Variants in KIAA0825 observed in about 807,000 individuals in gnomAD.
The protein encoded by KIAA0825 is KIAA0825, also known as uncharacterized protein KIAA0825.
In KIAA0825, 119 loss-of-function variants were observed where a neutral mutation model predicts 147.6. The ratio of observed to expected loss-of-function variants is 0.81; its 90% CI spans 0.69 to 0.94. KIAA0825 has a LOEUF of 0.94. KIAA0825 is among the 40% of genes least tolerant of loss of function. The pLI is 0.00. For synonymous variants in KIAA0825, 470 were observed against 518.1 expected, an observed-to-expected ratio of 0.91 and a Z score of 1.26; for missense variants, 1,381 against 1,472.7, an observed-to-expected ratio of 0.94 and a Z score of 1.02.
intron 20 of KIAA0825, among the ~76,000 whole-genome samples, chr5:94,158,663 C>T (rs1767266593): frequency 3.3e-5 from 5 of 152,240 alleles, no homozygotes; most frequent in South Asian, 2.1e-4. Flanking sequence ...TTTAGTCTTT[C>T]ACTGTTTAGA....
At chr5:94,567,817 T>C (rs77577503) in intron 2 of KIAA0825, 1 of 154,662 alleles carries the variant, frequency 6.5e-6, no homozygotes, top group Non-Finnish European at 1.4e-5. Context: ...AATTAGGTCT[T>C]CATCCCTGAC....
In KIAA0825 at chr5:94,291,192, A is replaced by C. The variant is rs1350682251; in HGVS notation, c.3710+93176T>G. Among the ~76,000 whole-genome samples the C allele has an allele frequency of 2.0e-5, 3 of 152,096 alleles. No homozygotes were observed. In the East Asian group the frequency reaches 5.8e-4, roughly 29 times the overall value. On this transcript the variant is annotated intron_variant, in intron 20 of 20. Transcript: ENST00000682413. ...ATTGCTTTTGGTGTTTTAGCCTTGA[A>C]GTCTCTGCCCATGCCTATGTCCTGG...
At chr5:94,303,877 C>T (rs2150182879) in intron 20 of KIAA0825, among the ~76,000 whole-genome samples, 1 of 152,156 alleles carries the variant, frequency 6.6e-6, no homozygotes, top group East Asian at 1.9e-4. Context: ...ATGGTGAGGC[C>T]TGGCCACAGA....
At chr5:94,588,977 A>G (rs1783832276) in intron 1 of KIAA0825, among the ~76,000 whole-genome samples, 1 of 152,174 alleles carries the variant, frequency 6.6e-6, no homozygotes, top group South Asian at 2.1e-4. Flanking sequence ...CAATGAGAAC[A>G]CACGGACACA....
intron 16 of KIAA0825, among the ~76,000 whole-genome samples, chr5:94,399,879 TTTTA>T (rs541240785): frequency 8.2e-4 from 125 of 152,222 alleles, no homozygotes; most frequent in Non-Finnish European, 1.7e-3. Flanking sequence ...ATTTTTAAAA[TTTTA>T]TTTATTAATG....
At chr5:94,527,819 G>A (rs375881619) in intron 3 of KIAA0825, among the ~76,000 whole-genome samples, 110 of 151,980 alleles carry the variant, frequency 7.2e-4, no homozygotes, top group South Asian at 2.1e-3. Flanking sequence ...TATCTAACTA[G>A]ATTACTAAAA....
chr5:94,312,395 A>ATCTC (rs1330969920), intron 20 of KIAA0825, among the ~76,000 whole-genome samples: 1 of 151,648 alleles, frequency 6.6e-6, no homozygotes, highest in East Asian at 1.9e-4. Context: ...ACTTGTTATG[A>ATCTC]TCTCTCATGT....
At chr5:94,500,780 CTAT>C (rs986305812) in intron 5 of KIAA0825, among the ~76,000 whole-genome samples, 1 of 152,026 alleles carries the variant, frequency 6.6e-6, no homozygotes, top group Non-Finnish European at 1.5e-5. Flanking sequence ...TATTTCATTA[CTAT>C]TATTATTTTT....
At chr5:94,265,969 C>T (rs1776723433) in intron 20 of KIAA0825, among the ~76,000 whole-genome samples, 1 of 152,168 alleles carries the variant, frequency 6.6e-6, no homozygotes, top group South Asian at 2.1e-4. Flanking sequence ...CATTTCACTG[C>T]ATACCCAAGT....
intron 7 of KIAA0825, among the ~76,000 whole-genome samples, chr5:94,476,418 G>A (rs373141477): frequency 1.3e-5 from 2 of 152,258 alleles, no homozygotes; most frequent in South Asian, 2.1e-4. Context: ...GCTACCAGTC[G>A]AAGCTAAAGC....
chr5:94,605,027 G>A (rs930797480), intron 1 of KIAA0825, among the ~76,000 whole-genome samples: 5 of 141,892 alleles, frequency 3.5e-5, no homozygotes, highest in Non-Finnish European at 8.0e-5. Context: ...AGAAAAGAGG[G>A]AAGATTACAA....
At chr5:94,479,798 T>C (rs985313028) in intron 6 of KIAA0825, among the ~76,000 whole-genome samples, 5 of 152,092 alleles carry the variant, frequency 3.3e-5, no homozygotes, top group African/African-American at 1.2e-4. Context: ...AATAGGTGTG[T>C]AGTGTCATCT....
Position 94,151,155 on chromosome 5 carries a change from C to T in KIAA0825, c.*2852G>A, listed in dbSNP as rs1313250654. Among the ~76,000 whole-genome samples, 4 of 151,950 alleles carry T rather than the reference C, an allele frequency of 2.6e-5. No individual in the cohort carries two copies. Among genetic ancestry groups the T allele is most frequent in the Admixed American group, 1.3e-4 (2 of 15,266 alleles). ...AAACATGGCCGGGCGCGGTGGCTCA[C>T]GCCTGTAATCCCAGCACTTTGGGAG... On this transcript the variant is annotated 3_prime_UTR_variant, in exon 21 of 21. Transcript: ENST00000682413.
At chr5:94,417,457 C>T in intron 14 of KIAA0825, 92 bp from the exon 15 acceptor site, 1 of 976,260 alleles carries the variant, frequency 1.0e-6, no homozygotes, top group South Asian at 2.4e-5. Context: ...TAGCATAATG[C>T]TGTGGAAATG....
chr5:94,236,216 A>G (rs1446476912), intron 20 of KIAA0825, among the ~76,000 whole-genome samples: 1 of 152,260 alleles, frequency 6.6e-6, no homozygotes, highest in Non-Finnish European at 1.5e-5. Flanking sequence ...TGCCAATAAG[A>G]ACATTTGTGA....
At chr5:94,440,614 T>C (rs1310073845) in intron 13 of KIAA0825, among the ~76,000 whole-genome samples, 1 of 152,130 alleles carries the variant, frequency 6.6e-6, no homozygotes, top group Non-Finnish European at 1.5e-5. Context: ...AATCTAATTA[T>C]TTAATATGTA....
At position 94,519,877 on chromosome 5, in the gene KIAA0825, C is replaced by G. The variant is rs79933494; in HGVS notation, c.970+371G>C. 5.1e-3 allele frequency: 2,956 copies of G among 585,094 alleles called. 14 individuals are homozygous for G. The highest frequency in any genetic ancestry group is 5.9e-3 in the Non-Finnish European group (2,735 of 463,586). The allele number at this position is 585,094 out of a possible 1,614,324, so 36.2% of individuals were successfully genotyped here. ...CTGAGTATATGTGCTTATATATATG[C>G]GTATATTTAATAAACAGATAAAGGA... On this transcript the variant is annotated intron_variant, in intron 5 of 20. Coordinates refer to ENST00000682413, the MANE Select transcript of KIAA0825 (RefSeq NM_001145678.3).
In KIAA0825 at chr5:94,250,108, G is replaced by A. The variant is rs190199069; in HGVS notation, c.3711-95984C>T. Among the ~76,000 whole-genome samples, 5 of 152,176 alleles carry A rather than the reference G, an allele frequency of 3.3e-5. No homozygotes were observed. In the East Asian group the frequency reaches 9.7e-4, roughly 29 times the overall value. The stretch of plus-strand genomic sequence containing the variant: ...CACACCAACACACAAATGAACCAAT[G>A]ACTGAAGTTCAAAACTTTAGCCAAT... On this transcript the variant is annotated intron_variant, in intron 20 of 20. Transcript: ENST00000682413.
In KIAA0825 at chr5:94,357,155, T is replaced by C. The variant is rs543564426; in HGVS notation, c.3710+27213A>G. 1.1e-4 allele frequency among the ~76,000 whole-genome samples: 16 copies of C among 152,274 alleles called. No individual in the cohort carries two copies. The East Asian group carries it at 3.1e-3, about 29-fold the overall frequency. On this transcript the variant is annotated intron_variant, in intron 20 of 20. Coordinates refer to ENST00000682413, the MANE Select transcript of KIAA0825 (RefSeq NM_001145678.3). ...ATTTCTTTTCGTTAAAAAAAATAGA[T>C]TACAATACAGTCCTTCGGTTAAAAC...
Sources: gnomAD v4.1 joint callset for allele counts (sites outside exome capture counted in the v4.1 genomes callset) on GRCh38, gnomAD v4.1.1 for gene constraint, MANE v1.5 for transcripts, NCBI Gene and HGNC (gene_info 2026-07-23, HGNC 2026-07-21) for gene names.